Variants in DNM3 observed in about 807,000 individuals in gnomAD.
DNM3 encodes the protein dynamin-3.
Under a neutral mutation model 101.6 loss-of-function variants are expected in DNM3, and 47 were observed. The observed-to-expected ratio is 0.46, with a 90% confidence interval of 0.37 to 0.59. DNM3 has a LOEUF of 0.59. Among genes scored for constraint, DNM3 ranks in the 20% least tolerant of loss-of-function variants. DNM3 has a pLI of 0.00. For missense variants in DNM3, 849 were observed against 1,085.7 expected (o/e 0.78, Z 3.06); for synonymous variants, 385 against 387.9 (o/e 0.99, Z 0.09).
In DNM3 at chr1:172,409,555, C is replaced by T; in HGVS notation, c.*1714C>T. The stretch of plus-strand genomic sequence containing the variant: ...GTGATTGTATAAAAACATCACAATC[C>T]TAAATCCTCTCGTATCTCACCCCAA... On this transcript the variant is annotated 3_prime_UTR_variant, in exon 21 of 21. Coordinates refer to ENST00000627582, the MANE Select transcript of DNM3 (RefSeq NM_015569.5). 3.0e-6 allele frequency: 3 copies of T among 985,154 alleles called. No homozygotes were observed. Among genetic ancestry groups the T allele is most frequent in the Non-Finnish European group, 3.6e-6 (3 of 829,756 alleles). The allele number at this position is 985,154 out of a possible 1,614,324, so 61.0% of individuals were successfully genotyped here.
intron 1 of DNM3, among the ~76,000 whole-genome samples, chr1:171,870,893 C>T (rs952017766): frequency 1.3e-5 from 2 of 151,816 alleles, no homozygotes; most frequent in African/African-American, 2.4e-5. Context: ...CCCCAGAGTA[C>T]GACAGAATTT....
At chr1:172,151,427 T>G (rs143178913) in intron 14 of DNM3, among the ~76,000 whole-genome samples, 1 of 152,184 alleles carries the variant, frequency 6.6e-6, no homozygotes, top group African/African-American at 2.4e-5. Context: ...ACACACATTT[T>G]GTGTACTATT....
chr1:172,005,132 C>T (rs2046601148), intron 4 of DNM3, among the ~76,000 whole-genome samples: 1 of 152,000 alleles, frequency 6.6e-6, no homozygotes, highest in Admixed American at 6.6e-5. Context: ...AGTTGTGTGA[C>T]CTTGAACAAA....
chr1:172,069,397 C>T (rs1235107135), intron 11 of DNM3, among the ~76,000 whole-genome samples: 2 of 151,726 alleles, frequency 1.3e-5, no homozygotes, highest in Admixed American at 1.3e-4. Flanking sequence ...TCCATACAAC[C>T]TATGATTGAA....
rs549925253 is a variant in DNM3 at position 172,209,247 on chromosome 1, G to A, written c.1660-44326G>A. ...CCTGTGAGGGCACAGCAAGAAGGTA[G>A]TTATCTGCAAGCCAAGGGGAGAGGC... On this transcript the variant is annotated intron_variant, in intron 14 of 20. Transcript: ENST00000627582. Among the ~76,000 whole-genome samples, 28 of 152,100 alleles carry A rather than the reference G, an allele frequency of 1.8e-4. No individual in the cohort carries two copies. The South Asian group carries it at 5.8e-3, about 32-fold the overall frequency.
intron 2 of DNM3, among the ~76,000 whole-genome samples, chr1:171,966,773 G>A (rs1370463020): frequency 6.6e-6 from 1 of 152,150 alleles, no homozygotes; most frequent in Non-Finnish European, 1.5e-5. Flanking sequence ...ATTAAAATGA[G>A]GTGGAATTTG....
intron 2 of DNM3, among the ~76,000 whole-genome samples, chr1:171,922,668 C>G (rs1571628350): frequency 6.6e-6 from 1 of 152,208 alleles, no homozygotes; most frequent in Non-Finnish European, 1.5e-5. Context: ...CAAAAGAAAG[C>G]CTGTATGTTT....
intron 14 of DNM3, among the ~76,000 whole-genome samples, chr1:172,135,243 A>G (rs1450681529): frequency 6.6e-6 from 1 of 152,116 alleles, no homozygotes; most frequent in Non-Finnish European, 1.5e-5. Context: ...AGACCAGGAG[A>G]CATTGTTTGT....
chr1:172,189,157 G>A (rs2059620694), intron 14 of DNM3, among the ~76,000 whole-genome samples: 1 of 151,966 alleles, frequency 6.6e-6, no homozygotes, highest in Non-Finnish European at 1.5e-5. Context: ...CTTTGTCCAA[G>A]ATCAGTTAAC....
intron 14 of DNM3, among the ~76,000 whole-genome samples, chr1:172,214,445 A>T (rs1006426624): frequency 1.5e-4 from 22 of 148,028 alleles, no homozygotes; most frequent in African/African-American, 4.4e-4. Context: ...AAAGTATAAT[A>T]AAAAAAAAGA....
rs116983624 is a variant in DNM3, at chr1:171,967,032, G to A, written c.236-20624G>A. ...TTTTCTTGTAGCCTTAGGAATTTAG[G>A]AAGTTGTCATGCCAGCTGAGCCCTG... On this transcript the variant is annotated intron_variant, in intron 2 of 20. Coordinates refer to ENST00000627582, the MANE Select transcript of DNM3 (RefSeq NM_015569.5). Among the ~76,000 whole-genome samples, 6 of 152,218 alleles carry A rather than the reference G, an allele frequency of 3.9e-5. No individual in the cohort carries two copies. In the East Asian group the frequency reaches 9.7e-4, roughly 24 times the overall value.
intron 1 of DNM3, among the ~76,000 whole-genome samples, chr1:171,887,768 A>C (rs924228979): frequency 6.6e-6 from 1 of 152,148 alleles, no homozygotes; most frequent in Non-Finnish European, 1.5e-5. Context: ...ATATCTGTAG[A>C]TTTGAGAAAA....
rs113897115 is a variant in DNM3 at position 172,402,952 on chromosome 1, C to A, written c.2523-4820C>A. ...TTTTTACTGAACAGTGGTTTCAAAG[C>A]ATAGTCCCAGGACCAGCAGCATCTG... On this transcript the variant is annotated intron_variant, in intron 20 of 20. Coordinates refer to ENST00000627582, the MANE Select transcript of DNM3 (RefSeq NM_015569.5). Among the ~76,000 whole-genome samples the A allele has an allele frequency of 3.8e-3, 576 of 152,234 alleles. 3 individuals are homozygous for A. The highest frequency in any genetic ancestry group is 0.013 in the African/African-American group (552 of 41,542).
intron 17 of DNM3, among the ~76,000 whole-genome samples, chr1:172,343,554 C>T (rs976115815): frequency 6.6e-6 from 1 of 152,102 alleles, no homozygotes; most frequent in Non-Finnish European, 1.5e-5. Flanking sequence ...AAGACTAACT[C>T]GAGCCCATGT....
At chr1:172,140,194 A>T (rs528259897) in intron 14 of DNM3, 1 of 152,168 alleles carries the variant, frequency 6.6e-6, no homozygotes, top group Non-Finnish European at 1.5e-5. Context: ...CTGGACTTTT[A>T]TGCAGTGATT....
rs143625350 is a variant in DNM3 at position 172,396,374 on chromosome 1, T to TC, written c.2522+7566dup. On this transcript the variant is annotated intron_variant, in intron 20 of 20. Transcript: ENST00000627582. Reference sequence around the variant, plus strand: ...CCAAATGTTCATAAAATCAACTTTTTCTCCTATTGGGAATTAATTTAAACA... The same window carrying TC: ...CCAAATGTTCATAAAATCAACTTTTTCCTCCTATTGGGAATTAATTTAAACA... Among the ~76,000 whole-genome samples, 866 of 152,346 alleles carry TC rather than the reference T, an allele frequency of 5.7e-3. 8 individuals carry two copies. Among genetic ancestry groups the TC allele is most frequent in the African/African-American group, 0.02 (835 of 41,576 alleles).
chr1:172,205,387 A>C (rs1382117552), intron 14 of DNM3, among the ~76,000 whole-genome samples: 1 of 151,938 alleles, frequency 6.6e-6, no homozygotes, highest in African/African-American at 2.4e-5. Flanking sequence ...ATCTGTTTAA[A>C]CTCTTAAAAA....
chr1:172,329,581 T>A (rs943348430), intron 17 of DNM3, among the ~76,000 whole-genome samples: 2 of 152,006 alleles, frequency 1.3e-5, no homozygotes, highest in Admixed American at 1.3e-4. Flanking sequence ...ATTAATGAAT[T>A]AGAAAATAGC....
chr1:172,416,761 G>A (rs1020932866), downstream of DNM3, among the ~76,000 whole-genome samples: 2 of 152,082 alleles, frequency 1.3e-5, no homozygotes, highest in Non-Finnish European at 2.9e-5. Flanking sequence ...CATTGAGCTC[G>A]ACAGAAATTT....
Sources: gnomAD v4.1 joint callset for allele counts (sites outside exome capture counted in the v4.1 genomes callset) on GRCh38, gnomAD v4.1.1 for gene constraint, MANE v1.5 for transcripts, NCBI Gene and HGNC (gene_info 2026-07-23, HGNC 2026-07-21) for gene names.